SGCD: variants seen among roughly 807,000 people sequenced by gnomAD.
The protein encoded by SGCD is sarcoglycan delta.
In SGCD, 18 loss-of-function variants were observed where a neutral mutation model predicts 36.6. The ratio of observed to expected loss-of-function variants is 0.49; its 90% CI spans 0.34 to 0.73. SGCD has a LOEUF of 0.73. Ranked by LOEUF, SGCD falls within the 30% of genes least tolerant of loss-of-function variation. The probability of loss-of-function intolerance (pLI) is 0.01; values close to 1 mark genes in which losing one functional copy is unlikely to be tolerated. For missense variants in SGCD, 387 were observed against 346.7 expected, an observed-to-expected ratio of 1.12 and a Z score of -0.92; for synonymous variants, 133 against 130.6, an observed-to-expected ratio of 1.02 and a Z score of -0.12.
At chr5:155,917,162 C>T (rs528728402) in intron 1 of SGCD, among the ~76,000 whole-genome samples, 60 of 152,286 alleles carry the variant, frequency 3.9e-4, no homozygotes, top group African/African-American at 1.4e-3. Context: ...CTTAAGTTTC[C>T]AGTGATCTTT....
chr5:156,247,401 A>G (rs1016568513), intron 3 of SGCD, among the ~76,000 whole-genome samples: 2 of 152,208 alleles, frequency 1.3e-5, no homozygotes, highest in East Asian at 3.9e-4. Flanking sequence ...TGTTCATTCA[A>G]TGATTTATAA....
At chr5:155,984,346 T>C (rs1758287788) in intron 1 of SGCD, among the ~76,000 whole-genome samples, 2 of 152,164 alleles carry the variant, frequency 1.3e-5, no homozygotes, top group African/African-American at 2.4e-5. Context: ...TTTTCCTAAA[T>C]CTGTTCGTGA....
At chr5:155,916,188 C>T (rs1442068317) in intron 1 of SGCD, among the ~76,000 whole-genome samples, 2 of 152,054 alleles carry the variant, frequency 1.3e-5, no homozygotes, top group Non-Finnish European at 2.9e-5. Context: ...CCTTTTATTT[C>T]CCATGAGCCT....
intron 1 of SGCD, among the ~76,000 whole-genome samples, chr5:156,086,586 C>T (rs1014126348): frequency 3.3e-5 from 5 of 152,148 alleles, no homozygotes; most frequent in Non-Finnish European, 7.3e-5. Flanking sequence ...TGGCATCATA[C>T]CAGGCACAGT....
chr5:156,225,277 A>G (rs946537668), intron 3 of SGCD, among the ~76,000 whole-genome samples: 4 of 152,140 alleles, frequency 2.6e-5, no homozygotes, highest in African/African-American at 4.8e-5. Context: ...TGTAGCTATC[A>G]AGCTACCTTG....
chr5:156,053,190 A>G lies in SGCD; in HGVS notation c.-281-64688A>G, dbSNP rs1759966476. Among the ~76,000 whole-genome samples, 4 of 146,456 alleles carry G rather than the reference A, an allele frequency of 2.7e-5. 1 individual carries two copies. Among genetic ancestry groups the G allele is most frequent in the Non-Finnish European group, 6.2e-5 (4 of 64,860 alleles). On this transcript the variant is annotated intron_variant, in intron 1 of 9. Coordinates refer to the SGCD transcript ENST00000517913. Reference sequence around the variant, plus strand: ...TACCATGCCCTACTTGAGACACCACAGGGTGATTGGTGTGTGTGCTCATCC... The same window carrying G: ...TACCATGCCCTACTTGAGACACCACGGGGTGATTGGTGTGTGTGCTCATCC...
At chr5:155,769,150 A>C in the SGCD span, among the ~76,000 whole-genome samples, 4 of 152,110 alleles carry the variant, frequency 2.6e-5, no homozygotes, top group Non-Finnish European at 5.9e-5. Context: ...AAAAAATGTA[A>C]AGAAGTGAAT....
chr5:155,864,047 T>A, the SGCD span, among the ~76,000 whole-genome samples: 1 of 152,170 alleles, frequency 6.6e-6, no homozygotes, highest in East Asian at 1.9e-4. Context: ...TAGGGCCATG[T>A]GGGCTGCCCA....
intron 7 of SGCD, among the ~76,000 whole-genome samples, chr5:156,666,758 AG>A (rs1753058288): frequency 6.6e-6 from 1 of 151,912 alleles, no homozygotes; most frequent in Non-Finnish European, 1.5e-5. Flanking sequence ...GTTGGGGGTA[AG>A]GTCATAGATT....
intron 1 of SGCD, among the ~76,000 whole-genome samples, chr5:155,932,340 G>GC (rs1757114883): frequency 6.6e-6 from 1 of 152,134 alleles, no homozygotes; most frequent in Non-Finnish European, 1.5e-5. Context: ...ATTTTCTTGA[G>GC]CTTGGATACA....
intron 1 of SGCD, among the ~76,000 whole-genome samples, chr5:155,913,934 A>C (rs932696273): frequency 2.6e-5 from 4 of 152,184 alleles, no homozygotes; most frequent in African/African-American, 9.7e-5. Flanking sequence ...CTAGAAATCT[A>C]AACCCAAAGG....
intron 7 of SGCD, among the ~76,000 whole-genome samples, chr5:156,741,166 C>A (rs1252999358): frequency 6.6e-6 from 1 of 152,006 alleles, no homozygotes; most frequent in Non-Finnish European, 1.5e-5. Flanking sequence ...GATGGAAACA[C>A]AATATGATCT....
chr5:155,735,664 G>A, the SGCD span, among the ~76,000 whole-genome samples: 1 of 152,198 alleles, frequency 6.6e-6, no homozygotes, highest in Admixed American at 6.5e-5. Flanking sequence ...AGCATAGGTA[G>A]ATACACAGCC....
At chr5:155,744,459 CAAATAAAATA>C in the SGCD span, among the ~76,000 whole-genome samples, 390 of 151,292 alleles carry the variant, frequency 2.6e-3, 3 homozygotes, top group African/African-American at 7.7e-3. Flanking sequence ...GACTCCAACT[CAAATAAAATA>C]AAATAAAATA....
intron 2 of SGCD, among the ~76,000 whole-genome samples, chr5:156,332,974 A>G (rs1437554841): frequency 2.0e-5 from 3 of 152,382 alleles, no homozygotes; most frequent in East Asian, 1.9e-4. Flanking sequence ...GTACATACAT[A>G]TATACATATC....
intron 3 of SGCD, among the ~76,000 whole-genome samples, chr5:156,197,820 C>T (rs765092821): frequency 3.3e-5 from 5 of 151,842 alleles, no homozygotes; most frequent in Admixed American, 6.6e-5. Flanking sequence ...TTTTAATTGA[C>T]AAATAATGGT....
At chr5:156,570,994 G>C (rs988279673) in intron 4 of SGCD, among the ~76,000 whole-genome samples, 1 of 151,778 alleles carries the variant, frequency 6.6e-6, no homozygotes, top group Non-Finnish European at 1.5e-5. Flanking sequence ...CTACTATCTT[G>C]GTTTGTATTT....
chr5:156,555,979 A>G (rs988593193), intron 4 of SGCD, among the ~76,000 whole-genome samples: 3 of 152,082 alleles, frequency 2.0e-5, no homozygotes, highest in African/African-American at 7.2e-5. Flanking sequence ...GGGCTTACAT[A>G]ATTTTCCTTC....
the SGCD span, among the ~76,000 whole-genome samples, chr5:155,764,658 CA>C: frequency 1.3e-5 from 2 of 152,114 alleles, no homozygotes; most frequent in Non-Finnish European, 2.9e-5. Flanking sequence ...GAGGGGGTCA[CA>C]AGACCAACCT....
Sources: gnomAD v4.1 joint callset for allele counts (sites outside exome capture counted in the v4.1 genomes callset) on GRCh38, gnomAD v4.1.1 for gene constraint, MANE v1.5 for transcripts, NCBI Gene and HGNC (gene_info 2026-07-23, HGNC 2026-07-21) for gene names.